Variants in DPY30 observed in about 807,000 individuals in gnomAD.
DPY30 encodes dpy-30 histone methyltransferase complex regulatory subunit.
DPY30 carries 6 observed loss-of-function variants against 16.2 expected under a neutral mutation model. The ratio of observed to expected loss-of-function variants is 0.37; its 90% CI spans 0.20 to 0.73. DPY30 has a LOEUF of 0.73. Among genes scored for constraint, DPY30 ranks in the 30% least tolerant of loss-of-function variants. DPY30 has a pLI of 0.51. For missense variants in DPY30, 73 were observed against 113.1 expected (o/e 0.65, Z 1.61); for synonymous variants, 39 against 38.8 (o/e 1.00, Z -0.02).
chr2:32,032,909 T>A (rs879319268), intron 3 of DPY30, among the ~76,000 whole-genome samples: 1 of 151,908 alleles, frequency 6.6e-6, no homozygotes, highest in Non-Finnish European at 1.5e-5. Flanking sequence ...GGCAGGAGAA[T>A]TGCTTGAACC....
At position 32,024,143 on chromosome 2, in the gene DPY30, A is replaced by G. The variant is rs772961032; in HGVS notation, c.*41T>C. The G allele has an allele frequency of 1.9e-6, 3 of 1,596,146 alleles. No homozygotes were observed. Among genetic ancestry groups the G allele is most frequent in the East Asian group, 2.2e-5 (1 of 44,490 alleles). ...TTAAAGCTGCCTCTTAATCATGTAA[A>G]TCTACAGTAGCAACTAAATTTTTCT... On this transcript the variant is annotated 3_prime_UTR_variant, in exon 5 of 5. Transcript: ENST00000342166.
chr2:32,022,287 T>C (rs1002633115), downstream of DPY30, among the ~76,000 whole-genome samples: 2 of 152,002 alleles, frequency 1.3e-5, no homozygotes, highest in East Asian at 1.9e-4. Flanking sequence ...TGGATTAACT[T>C]ATGAGTTAGC....
chr2:32,018,352 G>A lies in DPY30; in HGVS notation n.377+5070C>T, dbSNP rs140340175. 2.0e-3 allele frequency among the ~76,000 whole-genome samples: 300 copies of A among 152,144 alleles called. 1 individual carries two copies. In the Middle Eastern group the frequency reaches 0.02, roughly 10 times the overall value. ...TGCTTTGTGGAAGAAGGACAATACA[G>A]AATTCCATGAAAGAACTCATACCCA... is the stretch of plus-strand genomic sequence containing the variant. On this transcript the variant is annotated intron_variant and non_coding_transcript_variant, in intron 5 of 5. Coordinates refer to the DPY30 transcript ENST00000414013.
chr2:32,019,668 A>G (rs1363398935), downstream of DPY30, among the ~76,000 whole-genome samples: 1 of 151,512 alleles, frequency 6.6e-6, no homozygotes. Flanking sequence ...TAAAAATACA[A>G]AATTAGTTGG....
At chr2:32,035,086 G>A (rs1366116541) in intron 3 of DPY30, among the ~76,000 whole-genome samples, 1 of 151,172 alleles carries the variant, frequency 6.6e-6, no homozygotes, top group Non-Finnish European at 1.5e-5. Flanking sequence ...TCCAGCCTGG[G>A]GGACAGAGCG....
intron 5 of DPY30, among the ~76,000 whole-genome samples, chr2:32,014,730 G>A (rs558403408): frequency 4.0e-5 from 6 of 151,564 alleles, no homozygotes; most frequent in South Asian, 2.1e-4. Flanking sequence ...TGATCTGCCC[G>A]CCTCGGCCTC....
downstream of DPY30, among the ~76,000 whole-genome samples, chr2:32,019,190 T>G (rs1675122121): frequency 6.6e-6 from 1 of 152,108 alleles, no homozygotes; most frequent in South Asian, 2.1e-4. Flanking sequence ...GCTTCTGGGT[T>G]CAAGCCATTC....
At chr2:32,015,220 G>C (rs997855027) in intron 5 of DPY30, among the ~76,000 whole-genome samples, 3 of 152,092 alleles carry the variant, frequency 2.0e-5, no homozygotes, top group African/African-American at 7.2e-5. Context: ...AAGCCCTATA[G>C]ATCAGAAAAA....
At position 32,032,517 on chromosome 2, in the gene DPY30, A is replaced by G. The variant is rs145892586; in HGVS notation, c.85-2781T>C. 1.9e-3 allele frequency among the ~76,000 whole-genome samples: 286 copies of G among 152,312 alleles called. 3 individuals carry two copies. Among genetic ancestry groups the G allele is most frequent in the African/African-American group, 6.5e-3 (269 of 41,570 alleles). The stretch of plus-strand genomic sequence containing the variant: ...GGCAAACTTCAAAATCTCACAGTGT[A>G]TTTCCTAAAAACAGTCCTAACTTCC... On this transcript the variant is annotated intron_variant, in intron 3 of 4. Transcript: ENST00000342166.
At chr2:32,012,726 T>A (rs1674986773) in intron 5 of DPY30, among the ~76,000 whole-genome samples, 1 of 152,052 alleles carries the variant, frequency 6.6e-6, no homozygotes, top group Non-Finnish European at 1.5e-5. Flanking sequence ...GCATGAGCCA[T>A]CGCACCCAGG....
intron 5 of DPY30, among the ~76,000 whole-genome samples, chr2:32,016,455 C>T (rs965361955): frequency 3.3e-5 from 5 of 152,180 alleles, no homozygotes; most frequent in African/African-American, 1.2e-4. Context: ...AGGAAAATAC[C>T]TGGCTACAGT....
intron 3 of DPY30, among the ~76,000 whole-genome samples, chr2:32,037,455 A>G (rs2148671741): frequency 6.6e-6 from 1 of 152,080 alleles, no homozygotes. Context: ...GTAGGCACGT[A>G]CCGTCACACC....
rs1316208191 is a variant in DPY30, at chr2:32,039,304, T to G, written c.59A>C (p.Glu20Ala). 4 of 1,614,150 alleles carry G rather than the reference T, an allele frequency of 2.5e-6. No homozygotes were observed. The highest frequency in any genetic ancestry group is 1.1e-5 in the South Asian group (1 of 91,082). ...CTCAACGTTGTCTGTGAGACCGTACTCAGAGTGAGGATTTTCTGCAACCTA... is the reference window on the plus strand; with the variant it reads ...CTCAACGTTGTCTGTGAGACCGTACGCAGAGTGAGGATTTTCTGCAACCTA... ...QTQVAENPHS[E>A]YGLTDNVERI... Residue 20 changes from glutamate (E) to alanine (A), a missense_variant, in exon 3 of 5, where the codon GAG becomes GCG. Transcript: ENST00000342166.
At chr2:32,032,255 T>C (rs1273829205) in intron 3 of DPY30, among the ~76,000 whole-genome samples, 1 of 152,230 alleles carries the variant, frequency 6.6e-6, no homozygotes, top group Non-Finnish European at 1.5e-5. Context: ...ATACTATTTA[T>C]TTGTCCATGG....
At chr2:32,018,556 T>C (rs1430649557) in intron 5 of DPY30, among the ~76,000 whole-genome samples, 1 of 152,058 alleles carries the variant, frequency 6.6e-6, no homozygotes, top group Non-Finnish European at 1.5e-5. Flanking sequence ...TGAAACACCG[T>C]CTCTGCTTAA....
intron 3 of DPY30, among the ~76,000 whole-genome samples, chr2:32,035,370 G>A (rs1426683147): frequency 7.9e-5 from 12 of 151,910 alleles, no homozygotes; most frequent in African/African-American, 2.4e-4. Context: ...TTGGGAGGCC[G>A]AGGCGGGTGG....
Position 32,023,930 on chromosome 2 carries a change from G to A in DPY30, c.*254C>T, listed in dbSNP as rs1675241283. On this transcript the variant is annotated 3_prime_UTR_variant, in exon 5 of 5. Coordinates refer to ENST00000342166, the MANE Select transcript of DPY30 (RefSeq NM_001321209.2). ...TGGTGTTTTGACAGTTTATTTTGAA[G>A]GTCATTTTAAAAACAAAGTTAAAGA... The A allele has an allele frequency of 2.2e-6, 3 of 1,366,652 alleles. No individual in the cohort carries two copies. The highest frequency in any genetic ancestry group is 2.9e-5 in the African/African-American group (2 of 67,912). The allele number at this position is 1,366,652 out of a possible 1,614,324, so 84.7% of individuals were successfully genotyped here.
intron 3 of DPY30, among the ~76,000 whole-genome samples, chr2:32,036,738 G>A (rs1014101819): frequency 2.7e-5 from 4 of 149,486 alleles, no homozygotes; most frequent in African/African-American, 9.9e-5. Flanking sequence ...CATGGTTGGC[G>A]GGTGCCTGTA....
chr2:32,026,228 G>A (rs1235261687), intron 4 of DPY30, among the ~76,000 whole-genome samples: 1 of 151,804 alleles, frequency 6.6e-6, no homozygotes, highest in Non-Finnish European at 1.5e-5. Flanking sequence ...GGGCAACATA[G>A]TAAGACCCCA....
Sources: gnomAD v4.1 joint callset for allele counts (sites outside exome capture counted in the v4.1 genomes callset) on GRCh38, gnomAD v4.1.1 for gene constraint, MANE v1.5 for transcripts, NCBI Gene and HGNC (gene_info 2026-07-23, HGNC 2026-07-21) for gene names.